UST: variants seen among roughly 807,000 people sequenced by gnomAD.
The protein encoded by UST is uronyl 2-sulfotransferase.
UST carries 21 observed loss-of-function variants against 45.6 expected under a neutral mutation model. The observed-to-expected ratio is 0.46, with a 90% CI of 0.33 to 0.66. The LOEUF (loss-of-function observed/expected upper bound fraction) is 0.66, where lower values mean the gene tolerates loss of function less well. Ranked by LOEUF, UST falls within the 30% of genes least tolerant of loss-of-function variation. The pLI is 0.02. For missense variants in UST, 463 were observed against 512.4 expected (o/e 0.90, Z 0.93); for synonymous variants, 215 against 200.6 (o/e 1.07, Z -0.61).
intron 1 of UST, among the ~76,000 whole-genome samples, chr6:148,768,031 G>A (rs1029991592): frequency 6.6e-6 from 1 of 152,034 alleles, no homozygotes; most frequent in Non-Finnish European, 1.5e-5. Context: ...TCCTAGACTT[G>A]GAATTGCTGG....
intron 3 of UST, among the ~76,000 whole-genome samples, chr6:148,949,738 C>G (rs1780327546): frequency 6.6e-6 from 1 of 152,116 alleles, no homozygotes; most frequent in Non-Finnish European, 1.5e-5. Context: ...TATGTTCTGT[C>G]CAAGTACCTT....
At chr6:148,941,578 G>A in intron 3 of UST, 144 bp downstream of exon 3, 3 of 993,778 alleles carry the variant, frequency 3.0e-6, no homozygotes, top group Non-Finnish European at 4.3e-6. Flanking sequence ...CCAGAGTGTG[G>A]AAGGAAATTT....
chr6:149,030,651 C>G (rs1199161196), intron 7 of UST, among the ~76,000 whole-genome samples: 1 of 150,756 alleles, frequency 6.6e-6, no homozygotes, highest in African/African-American at 2.5e-5. Context: ...TCGATATTCT[C>G]TATAAAGATT....
chr6:148,777,799 G>A (rs1379636490), intron 1 of UST, among the ~76,000 whole-genome samples: 3 of 152,056 alleles, frequency 2.0e-5, no homozygotes, highest in Admixed American at 6.6e-5. Context: ...TACCTGCCTC[G>A]GCCTCCGTAA....
At chr6:148,834,711 A>G (rs1313040569) in intron 1 of UST, among the ~76,000 whole-genome samples, 1 of 152,238 alleles carries the variant, frequency 6.6e-6, no homozygotes, top group African/African-American at 2.4e-5. Flanking sequence ...CCTGGGCAAT[A>G]GAGAGAGATC....
chr6:149,056,101 G>GCTTTT (rs1395331882), intron 7 of UST, among the ~76,000 whole-genome samples: 8,357 of 118,358 alleles, frequency 0.071, 449 homozygotes, highest in Non-Finnish European at 0.089. Flanking sequence ...CTGTTACTCT[G>GCTTTT]CTTTTCTTTT....
chr6:148,881,020 C>A (rs1778813623), intron 1 of UST, among the ~76,000 whole-genome samples: 1 of 149,876 alleles, frequency 6.7e-6, no homozygotes, highest in African/African-American at 2.5e-5. Flanking sequence ...CAGAACCAGA[C>A]TCCGTCTAAA....
chr6:148,873,033 C>T (rs1371789033), intron 1 of UST, among the ~76,000 whole-genome samples: 2 of 152,134 alleles, frequency 1.3e-5, no homozygotes, highest in Admixed American at 6.5e-5. Context: ...TTCAGCTTAT[C>T]GCAACCACCC....
intron 1 of UST, among the ~76,000 whole-genome samples, chr6:148,841,078 A>G (rs1479395003): frequency 6.6e-6 from 1 of 150,788 alleles, no homozygotes; most frequent in Non-Finnish European, 1.5e-5. Context: ...ACAAAATTGT[A>G]AAATTACAAT....
chr6:148,834,837 A>G (rs1029586845), intron 1 of UST, among the ~76,000 whole-genome samples: 2 of 152,194 alleles, frequency 1.3e-5, no homozygotes, highest in Non-Finnish European at 2.9e-5. Flanking sequence ...AGACCCTGCT[A>G]TCATGGCATC....
intron 1 of UST, among the ~76,000 whole-genome samples, chr6:148,798,414 T>C (rs569804836): frequency 2.6e-4 from 39 of 152,170 alleles, no homozygotes; most frequent in African/African-American, 9.4e-4. Flanking sequence ...GCTGAGTTTG[T>C]GGTGCAGGTG....
intron 7 of UST, among the ~76,000 whole-genome samples, chr6:149,053,208 A>T (rs960267105): frequency 8.5e-5 from 13 of 152,248 alleles, no homozygotes; most frequent in Non-Finnish European, 1.9e-4. Context: ...GTGAATTGAC[A>T]TTCAGTGACA....
intron 2 of UST, among the ~76,000 whole-genome samples, chr6:148,939,794 G>T (rs138656338): frequency 4.6e-5 from 7 of 152,028 alleles, no homozygotes; most frequent in African/African-American, 1.7e-4. Context: ...ATATCTTTAC[G>T]ATCTTAGATT....
intron 1 of UST, among the ~76,000 whole-genome samples, chr6:148,854,916 C>T (rs903880780): frequency 6.6e-6 from 1 of 152,080 alleles, no homozygotes; most frequent in African/African-American, 2.4e-5. Flanking sequence ...AAGACATACC[C>T]GAGACGGGGC....
chr6:148,780,090 C>CATGTGTGTGTATATATAT (rs1776612963), intron 1 of UST, among the ~76,000 whole-genome samples: 1 of 102,898 alleles, frequency 9.7e-6, no homozygotes, highest in African/African-American at 3.0e-5. Flanking sequence ...TATATATATA[C>CATGTGTGTGTATATATAT]ACACACACAC....
At chr6:148,912,094 G>A (rs1349223293) in intron 2 of UST, among the ~76,000 whole-genome samples, 3 of 152,222 alleles carry the variant, frequency 2.0e-5, no homozygotes, top group Non-Finnish European at 4.4e-5. Context: ...CTACTCGGGA[G>A]GCCGAGGCAG....
At chr6:148,778,447 C>T (rs781323779) in intron 1 of UST, among the ~76,000 whole-genome samples, 65 of 152,194 alleles carry the variant, frequency 4.3e-4, no homozygotes, top group Non-Finnish European at 8.1e-4. Context: ...GGCAGACATA[C>T]TAGGGCCTTG....
intron 1 of UST, among the ~76,000 whole-genome samples, chr6:148,793,578 G>A (rs761654192): frequency 2.6e-5 from 4 of 152,162 alleles, no homozygotes; most frequent in Admixed American, 6.5e-5. Flanking sequence ...ACAGTGCAGC[G>A]GGTTTGTTTC....
At chr6:148,905,666 G>A (rs756677139) in intron 2 of UST, among the ~76,000 whole-genome samples, 4 of 152,226 alleles carry the variant, frequency 2.6e-5, no homozygotes, top group Non-Finnish European at 5.9e-5. Flanking sequence ...CCCAGGGAAG[G>A]AGCCAAGTGG....
Sources: allele counts gnomAD v4.1 joint callset (sites outside exome capture counted in the v4.1 genomes callset), GRCh38; gene constraint gnomAD v4.1.1; transcripts MANE v1.5; gene names NCBI Gene and HGNC (gene_info 2026-07-23, HGNC 2026-07-21).